Variants in PHF20 observed in about 807,000 individuals in gnomAD.
PHF20 encodes the protein glioma-expressed antigen 2.
Under a neutral mutation model 113.5 loss-of-function variants are expected in PHF20, and 23 were observed. The observed-to-expected ratio is 0.20, with a 90% CI of 0.15 to 0.29. The LOEUF is 0.29. Among genes scored for constraint, PHF20 ranks in the 10% least tolerant of loss-of-function variants. The probability of loss-of-function intolerance (pLI) is 1.00; values close to 1 mark genes in which losing one functional copy is unlikely to be tolerated. For synonymous variants in PHF20, 434 were observed against 457.3 expected (o/e 0.95, Z 0.65); for missense variants, 943 against 1,219.6 (o/e 0.77, Z 3.38).
chr20:35,903,032 T>C (rs2147063886), intron 10 of PHF20, among the ~76,000 whole-genome samples: 1 of 145,362 alleles, frequency 6.9e-6, no homozygotes, highest in East Asian at 2.0e-4. Flanking sequence ...TTTTTTTTTT[T>C]TTTTGAGTGA....
intron 3 of PHF20, among the ~76,000 whole-genome samples, chr20:35,845,099 A>G (rs2042599735): frequency 6.6e-6 from 1 of 151,336 alleles, no homozygotes; most frequent in Admixed American, 6.6e-5. Flanking sequence ...TTATAGTCCT[A>G]TTTTTGTTTG....
chr20:35,857,524 A>G (rs1600834703), intron 4 of PHF20, among the ~76,000 whole-genome samples: 1 of 146,102 alleles, frequency 6.8e-6, no homozygotes, highest in Admixed American at 6.8e-5. Flanking sequence ...AATAGAACAC[A>G]TCTCTTGAAA....
At chr20:35,939,732 A>T (rs868800766) in intron 16 of PHF20, among the ~76,000 whole-genome samples, 70 of 152,092 alleles carry the variant, frequency 4.6e-4, no homozygotes, top group Non-Finnish European at 1.3e-4. Flanking sequence ...CCCTGTCCTC[A>T]GTTGTCAGTG....
chr20:35,897,559 C>CTTTT (rs150122625), intron 9 of PHF20, among the ~76,000 whole-genome samples: 28 of 107,670 alleles, frequency 2.6e-4, no homozygotes, highest in South Asian at 1.1e-3. Flanking sequence ...TTCTGGATCC[C>CTTTT]TTTTTTTTTT....
intron 9 of PHF20, among the ~76,000 whole-genome samples, chr20:35,874,045 C>T (rs1376607691): frequency 1.3e-5 from 2 of 152,238 alleles, no homozygotes; most frequent in African/African-American, 4.8e-5. Context: ...GATCTTGGCT[C>T]ACTGCAACCT....
intron 9 of PHF20, among the ~76,000 whole-genome samples, chr20:35,885,725 C>T (rs1892096947): frequency 6.6e-6 from 1 of 151,980 alleles, no homozygotes; most frequent in African/African-American, 2.4e-5. Context: ...GTGACATTAA[C>T]TTTTATCACT....
At chr20:35,891,249 C>T (rs1321636456) in intron 9 of PHF20, among the ~76,000 whole-genome samples, 1 of 151,794 alleles carries the variant, frequency 6.6e-6, no homozygotes, top group South Asian at 2.1e-4. Context: ...TGATGGCAGG[C>T]GCCTGTAATC....
At chr20:35,781,934 C>T (rs1161323930) in intron 1 of PHF20, among the ~76,000 whole-genome samples, 1 of 151,196 alleles carries the variant, frequency 6.6e-6, no homozygotes, top group Non-Finnish European at 1.5e-5. Flanking sequence ...GGTGACAGAG[C>T]GAGACTCCAT....
At chr20:35,779,739 T>C (rs1371244913) in intron 1 of PHF20, among the ~76,000 whole-genome samples, 1 of 152,114 alleles carries the variant, frequency 6.6e-6, no homozygotes, top group Non-Finnish European at 1.5e-5. Flanking sequence ...CAGGCTAGTC[T>C]TGAACTCCTG....
chr20:35,936,871 A>C (rs1268292362), intron 15 of PHF20, among the ~76,000 whole-genome samples: 3 of 152,190 alleles, frequency 2.0e-5, no homozygotes, highest in Non-Finnish European at 2.9e-5. Flanking sequence ...AAAAGAGTCA[A>C]ATTCTGTAAA....
At chr20:35,879,458 G>C (rs1243706362) in intron 9 of PHF20, among the ~76,000 whole-genome samples, 1 of 152,098 alleles carries the variant, frequency 6.6e-6, no homozygotes, top group Non-Finnish European at 1.5e-5. Flanking sequence ...TCATGCAAAG[G>C]TAAATGAACA....
chr20:35,814,264 C>G (rs2042028017), intron 2 of PHF20, among the ~76,000 whole-genome samples: 1 of 151,802 alleles, frequency 6.6e-6, no homozygotes, highest in African/African-American at 2.4e-5. Flanking sequence ...GTCTCCCAGG[C>G]TGGAGTGCAG....
chr20:35,841,274 G>A (rs1453589108), intron 2 of PHF20, among the ~76,000 whole-genome samples: 1 of 151,946 alleles, frequency 6.6e-6, no homozygotes, highest in Non-Finnish European at 1.5e-5. Flanking sequence ...GCTGGGGAGA[G>A]GGAGGTTGCA....
chr20:35,903,083 T>TC (rs1568737904), intron 10 of PHF20, among the ~76,000 whole-genome samples: 25 of 132,452 alleles, frequency 1.9e-4, no homozygotes, highest in African/African-American at 6.8e-4. Flanking sequence ...CTTTCTTTTT[T>TC]TTTTTTTTTT....
At chr20:35,831,517 A>G (rs1877730548) in intron 2 of PHF20, among the ~76,000 whole-genome samples, 1 of 152,168 alleles carries the variant, frequency 6.6e-6, no homozygotes, top group Non-Finnish European at 1.5e-5. Flanking sequence ...GCTGGAGTGC[A>G]GTGGTGTTGT....
intron 14 of PHF20, among the ~76,000 whole-genome samples, chr20:35,930,648 T>C (rs2055735453): frequency 6.6e-6 from 1 of 152,126 alleles, no homozygotes; most frequent in African/African-American, 2.4e-5. Context: ...CACTGTAGCC[T>C]GGGCAACAGA....
intron 6 of PHF20, among the ~76,000 whole-genome samples, chr20:35,865,747 G>A (rs1210139330): frequency 6.6e-6 from 1 of 151,924 alleles, no homozygotes; most frequent in African/African-American, 2.4e-5. Context: ...AAGCAATCCT[G>A]CCTTGGCCTC....
At chr20:35,833,850 G>A (rs1016188680) in intron 2 of PHF20, among the ~76,000 whole-genome samples, 1 of 152,116 alleles carries the variant, frequency 6.6e-6, no homozygotes, top group African/African-American at 2.4e-5. Context: ...ACGAAGTCAG[G>A]AGTTCAAGAC....
At chr20:35,791,299 A>T (rs2041542228) in intron 1 of PHF20, among the ~76,000 whole-genome samples, 1 of 152,014 alleles carries the variant, frequency 6.6e-6, no homozygotes, top group Non-Finnish European at 1.5e-5. Flanking sequence ...ATACCTGACT[A>T]GCCTTGGTAT....
Sources: gnomAD v4.1 joint callset for allele counts (sites outside exome capture counted in the v4.1 genomes callset) on GRCh38, gnomAD v4.1.1 for gene constraint, MANE v1.5 for transcripts, NCBI Gene and HGNC (gene_info 2026-07-23, HGNC 2026-07-21) for gene names.